Variants in ARHGAP30 observed in about 807,000 individuals in gnomAD.
The protein encoded by ARHGAP30 is Rho GTPase activating protein 30, also known as rho GTPase-activating protein 30.
Under a neutral mutation model 72.0 loss-of-function variants are expected in ARHGAP30, and 23 were observed. That is an observed-to-expected ratio of 0.32 (90% confidence interval 0.23 to 0.45). ARHGAP30 has a LOEUF of 0.45. Among genes scored for constraint, ARHGAP30 ranks in the 20% least tolerant of loss-of-function variants. The pLI is 1.00. For missense variants in ARHGAP30, 1,319 were observed against 1,383.4 expected (o/e 0.95, Z 0.74); for synonymous variants, 576 against 528.2 (o/e 1.09, Z -1.24).
In ARHGAP30 at chr1:161,056,540, GGC is replaced by G; in HGVS notation, c.201-10_201-9del. The G allele has an allele frequency of 6.2e-7, 1 of 1,611,174 alleles. No homozygotes were observed. The highest frequency in any genetic ancestry group is 8.5e-7 in the Non-Finnish European group (1 of 1,179,642). ...TCTGACTCAAATTCCTGCCTGGGGA[GGC>G]GCGGTGTGGTCAGGAGTGGTAGGGG... On this transcript the variant is annotated splice_polypyrimidine_tract_variant and intron_variant, in intron 2 of 11. Transcript: ENST00000368013.
chr1:161,047,729 C>G lies in ARHGAP30; in HGVS notation c.3292G>C (p.Gly1098Arg). ...AFETQANPGK[G>R]EGL Reference sequence around the variant, plus strand: ...TGTGGTCCTAATCACAGTCCTTCACCTTTCCCAGGGTTAGCCTGTGTTTCA... The same window carrying G: ...TGTGGTCCTAATCACAGTCCTTCACGTTTCCCAGGGTTAGCCTGTGTTTCA... Residue 1098 changes from glycine (G) to arginine (R), a missense_variant, in exon 12 of 12, where the codon GGT (glycine) becomes CGT (arginine). By Grantham distance (125) the Gly-to-Arg change is moderately radical. This residue lies in a region of ARHGAP30 where 1,097 missense variants were observed against 1,045.2 expected (regional missense o/e 1.05). Coordinates refer to ENST00000368013, the MANE Select transcript of ARHGAP30 (RefSeq NM_001025598.2). 1.3e-6 allele frequency: 2 copies of G among 1,522,668 alleles called. No individual in the cohort carries two copies. The highest frequency in any genetic ancestry group is 1.3e-5 in the South Asian group (1 of 75,766). 94.3% of individuals were successfully genotyped at this position (1,522,668 alleles called of 1,614,324 possible). A position where few individuals can be genotyped will look rare whatever the true frequency, so the allele number is the denominator to read the frequency against.
intron 1 of ARHGAP30, among the ~76,000 whole-genome samples, chr1:161,067,045 C>T (rs1017424976): frequency 1.3e-5 from 2 of 152,232 alleles, no homozygotes; most frequent in Non-Finnish European, 2.9e-5. Context: ...TTAAAGGGGA[C>T]ACTCAAAAGC....
chr1:161,056,281 C>T (rs1651871625), intron 3 of ARHGAP30, 107 bp downstream of exon 3: 1 of 1,434,240 alleles, frequency 7.0e-7, no homozygotes, highest in East Asian at 2.5e-5. Context: ...TGGTCTCTGT[C>T]ATTCAGGATC....
chr1:161,052,444 G>A lies in ARHGAP30; in HGVS notation c.936C>T (p.Asp312=), dbSNP rs149661287. 1 of 1,613,216 alleles carries A rather than the reference G, an allele frequency of 6.2e-7. No homozygotes were observed. Among genetic ancestry groups the A allele is most frequent in the African/African-American group, 1.3e-5 (1 of 74,684 alleles). Reference sequence around the variant, plus strand: ...CCCCCATCTCCCCAGACTTACCCCTGTCCTCAGCCCCCCGTGGAAGTTTAC... The same window carrying A: ...CCCCCATCTCCCCAGACTTACCCCTATCCTCAGCCCCCCGTGGAAGTTTAC... ...TKRKLPRGAE[D]REDKSNKGTL... The change falls in exon 8 of 12, where the codon GAC becomes GAT. Residue 312 remains aspartate (D), a synonymous_variant. Transcript: ENST00000368013.
intron 1 of ARHGAP30, among the ~76,000 whole-genome samples, chr1:161,062,224 A>G (rs1652362262): frequency 1.3e-5 from 2 of 152,040 alleles, no homozygotes; most frequent in Non-Finnish European, 2.9e-5. Context: ...TTTAATCCCC[A>G]TTGCTTACCT....
intron 2 of ARHGAP30, among the ~76,000 whole-genome samples, chr1:161,057,018 C>A (rs1651926769): frequency 6.6e-6 from 1 of 151,948 alleles, no homozygotes; most frequent in African/African-American, 2.4e-5. Flanking sequence ...ACATTTGTAG[C>A]CAAAAGTCAC....
At position 161,069,805 on chromosome 1, in the gene ARHGAP30, G is replaced by C. The variant is rs1653043722; in HGVS notation, c.-181C>G. ...AGCAGCTCCTGCCCCTGGGGCCCCGGCCACACGGAAGTGGCTGTTGAAGAG... is the reference window on the plus strand; with the variant it reads ...AGCAGCTCCTGCCCCTGGGGCCCCGCCCACACGGAAGTGGCTGTTGAAGAG... On this transcript the variant is annotated 5_prime_UTR_variant, in exon 1 of 12. Coordinates refer to ENST00000368013, the MANE Select transcript of ARHGAP30 (RefSeq NM_001025598.2). The surrounding 1 kb of genome is among the most constrained non-coding windows in gnomAD (Gnocchi z 4.9). The C allele has an allele frequency of 6.5e-6, 4 of 613,722 alleles. No individual in the cohort carries two copies. Among genetic ancestry groups the C allele is most frequent in the Non-Finnish European group, 8.6e-6 (3 of 348,026 alleles). 38.0% of individuals were successfully genotyped at this position (613,722 alleles called of 1,614,324 possible). A position where few individuals can be genotyped will look rare whatever the true frequency, so the allele number is the denominator to read the frequency against.
At position 161,049,429 on chromosome 1, in the gene ARHGAP30, G is replaced by A. The variant is rs981792070; in HGVS notation, c.1681C>T (p.Pro561Ser). The A allele has an allele frequency of 3.7e-6, 6 of 1,608,918 alleles. No individual in the cohort carries two copies. The highest frequency in any genetic ancestry group is 3.3e-5 in the Admixed American group (2 of 59,782). ...GYLEELLGVG[P>S]QVEEFSVEPP... is the part of the protein sequence containing the mutation. ...CCCAGCACGGCTCTCCTTACCTGAG[G>A]CCCAACTCCCAGGAGCTCCTCCAGG... Residue 561 changes from proline (P) to serine (S), a missense_variant, in exon 11 of 12, where the codon CCT becomes TCT. Pro to Ser is a moderately conservative substitution (Grantham distance 74). Transcript: ENST00000368013.
At chr1:161,056,655 T>A in intron 2 of ARHGAP30, 123 bp from the exon 3 acceptor site, 1 of 1,076,480 alleles carries the variant, frequency 9.3e-7, no homozygotes, top group Non-Finnish European at 1.3e-6. Context: ...GGAAGGAGAA[T>A]GTTGGGACAC....
chr1:161,069,771 G>C lies in ARHGAP30; in HGVS notation c.-147C>G, dbSNP rs1242467290. 1.8e-5 allele frequency: 14 copies of C among 757,796 alleles called. No homozygotes were observed. The highest frequency in any genetic ancestry group is 2.3e-5 in the Non-Finnish European group (11 of 474,328). The allele number at this position is 757,796 out of a possible 1,614,324, so 46.9% of individuals were successfully genotyped here. On this transcript the variant is annotated 5_prime_UTR_variant, in exon 1 of 12. Transcript: ENST00000368013. This position sits in a 1 kb window ranked among gnomAD's most constrained non-coding sequence, Gnocchi z 4.9. ...CAATTGGGGGTGGAGGGTGGCCTGG[G>C]CAACGGGCAGCAGCTCCTGCCCCTG...
rs549846374 is a variant in ARHGAP30, at chr1:161,051,471, C to T, written c.1263G>A (p.Pro421=). 4.8e-5 allele frequency: 77 copies of T among 1,614,208 alleles called. No individual in the cohort carries two copies. In the South Asian group the frequency reaches 5.5e-4, roughly 12 times the overall value. Residue 421 remains proline, a synonymous_variant, in exon 10 of 12, where the codon CCG becomes CCA. Transcript: ENST00000368013. ...CACTGAGGATAGAGGTGATGTGTAGCGGGAGGTTGACATTGTAGGGGTCTG... is the reference window on the plus strand; with the variant it reads ...CACTGAGGATAGAGGTGATGTGTAGTGGGAGGTTGACATTGTAGGGGTCTG... ...HISDPYNVNL[P]LHITSILSVP... is the part of the protein sequence containing the mutation.
intron 9 of ARHGAP30, 84 bp from the exon 10 acceptor site, chr1:161,051,799 C>G (rs79694067): frequency 6.9e-7 from 1 of 1,447,460 alleles, no homozygotes; most frequent in Non-Finnish European, 9.1e-7. Context: ...GGAGAATGCT[C>G]TCTGCTTTCT....
At position 161,047,612 on chromosome 1, in the gene ARHGAP30, T is replaced by A; in HGVS notation, c.*103A>T. 7.8e-7 allele frequency: 1 copy of A among 1,289,816 alleles called. No individual in the cohort carries two copies. The highest frequency in any genetic ancestry group is 1.0e-6 in the Non-Finnish European group (1 of 960,328). The allele number at this position is 1,289,816 out of a possible 1,614,324, so 79.9% of individuals were successfully genotyped here. On this transcript the variant is annotated 3_prime_UTR_variant, in exon 12 of 12. Coordinates refer to ENST00000368013, the MANE Select transcript of ARHGAP30 (RefSeq NM_001025598.2). ...AGCTGGAGGGCCAAAGCCTATAGAG[T>A]TGGGCACTACAGCTGCTCATGCTGC...
rs760039626 is a variant in ARHGAP30 at position 161,048,457 on chromosome 1, T to C, written c.2564A>G (p.Tyr855Cys). ...AEGDQRAGGYYLEEDTLSEGS... is the reference protein window; with the variant it reads ...AEGDQRAGGYCLEEDTLSEGS... ...TTCAGAGAGGGTGTCCTCTTCTAAA[T>C]AGTACCCTCCAGCCCTCTGGTCTCC... Residue 855 changes from tyrosine (Y) to cysteine (C), a missense_variant, in exon 12 of 12, where the codon TAT (tyrosine) becomes TGT (cysteine). Tyr to Cys is a radical substitution (Grantham distance 194). This residue lies in a region of ARHGAP30 where 1,097 missense variants were observed against 1,045.2 expected (regional missense o/e 1.05). Transcript: ENST00000368013. 1.3e-5 allele frequency: 21 copies of C among 1,614,102 alleles called. No homozygotes were observed. Among genetic ancestry groups the C allele is most frequent in the Non-Finnish European group, 1.8e-5 (21 of 1,179,994 alleles).
chr1:161,051,687 G>T lies in ARHGAP30; in HGVS notation c.1047C>A (p.Ser349Arg), dbSNP rs920170195. ...DEPEGLVGPS[S>R]PRPSPLLPES... ...CAGGCAGCAATGGGCTTGGCCGGGG[G>T]CTGCTGGGCCCCACCAGCCCCTCTG... The change falls in exon 10 of 12, where the codon AGC becomes AGA. Residue 349 changes from serine to arginine, a missense_variant. By Grantham distance (110) the Ser-to-Arg change is moderately radical (BLOSUM62 -1). Transcript: ENST00000368013. 2 of 1,611,510 alleles carry T rather than the reference G, an allele frequency of 1.2e-6. No individual in the cohort carries two copies. Among genetic ancestry groups the T allele is most frequent in the Non-Finnish European group, 1.7e-6 (2 of 1,179,314 alleles).
intron 1 of ARHGAP30, among the ~76,000 whole-genome samples, chr1:161,068,459 A>G (rs1354442198): frequency 6.6e-6 from 1 of 152,134 alleles, no homozygotes; most frequent in Non-Finnish European, 1.5e-5. Flanking sequence ...GGGCGGGGCT[A>G]AGAGCAGGAA....
At position 161,053,396 on chromosome 1, in the gene ARHGAP30, G is replaced by T. The variant is rs374191080; in HGVS notation, c.537-11C>A. ...TCTATGTCCTTAGACCTGTGGAGAT[G>T]TGGAATTATTCTCCCCCTCAGCCCC... On this transcript the variant is annotated splice_polypyrimidine_tract_variant and intron_variant, in intron 5 of 11. Coordinates refer to ENST00000368013, the MANE Select transcript of ARHGAP30 (RefSeq NM_001025598.2). 6.8e-6 allele frequency: 11 copies of T among 1,608,312 alleles called. No homozygotes were observed. The highest frequency in any genetic ancestry group is 8.5e-6 in the Non-Finnish European group (10 of 1,176,808).
At chr1:161,055,706 C>T (rs1038042490) in intron 3 of ARHGAP30, among the ~76,000 whole-genome samples, 2 of 151,428 alleles carry the variant, frequency 1.3e-5, no homozygotes, top group Admixed American at 1.3e-4. Context: ...ATCACTTGAA[C>T]CTGGGAGGCG....
chr1:161,052,069 G>C (rs1312609967), intron 9 of ARHGAP30, among the ~76,000 whole-genome samples: 1 of 125,788 alleles, frequency 7.9e-6, no homozygotes, highest in Admixed American at 9.9e-5. Flanking sequence ...ACATACCCAT[G>C]CTGTCCCATC....
Sources: allele counts gnomAD v4.1 joint callset (sites outside exome capture counted in the v4.1 genomes callset), GRCh38; gene constraint gnomAD v4.1.1; regional missense constraint gnomAD v4.1.1; non-coding constraint Gnocchi (gnomAD v3.1); transcripts MANE v1.5; gene names NCBI Gene and HGNC (gene_info 2026-07-23, HGNC 2026-07-21).